Variants in KCNK4 observed in about 807,000 individuals in gnomAD.
The protein encoded by KCNK4 is potassium channel subfamily K member 4.
A neutral mutation model predicts 28.8 loss-of-function variants in KCNK4; 22 were observed. That is an observed-to-expected ratio of 0.76 (90% CI 0.55 to 1.09). KCNK4 has a LOEUF of 1.09. KCNK4 is among the 50% of genes least tolerant of loss of function. The pLI, the probability that KCNK4 is intolerant of heterozygous loss-of-function variation, is 0.00. For synonymous variants in KCNK4, 263 were observed against 252.9 expected (o/e 1.04, Z -0.38); for missense variants, 483 against 546.3 (o/e 0.88, Z 1.15).
rs1344470147 is a variant in KCNK4 at position 64,299,540 on chromosome 11, C to G, written c.996C>G (p.Pro332=). 6.2e-7 allele frequency: 1 copy of G among 1,610,114 alleles called. No homozygotes were observed. Among genetic ancestry groups the G allele is most frequent in the South Asian group, 1.1e-5 (1 of 90,870 alleles). The part of the protein sequence containing the change: ...PPEKAQPPSP[P]TASALDYPSE... ...AGAAGGCTCAGCCGCCTTCCCCGCC[C>G]ACGGCCTCGGCCCTGGATTATCCCA... The change falls in exon 7 of 7, where the codon CCC becomes CCG. Residue 332 remains proline, a synonymous_variant. Transcript: ENST00000422670.
chr11:64,297,115 C>T lies in KCNK4; in HGVS notation c.314-4C>T, dbSNP rs774176249. On this transcript the variant is annotated splice_region_variant and splice_polypyrimidine_tract_variant and intron_variant, in intron 3 of 6. Transcript: ENST00000422670. ...TAGACTTCCTGCATCGCCCCTCTGC[C>T]CAGGCTATGGCAATGTGGCCCTGCG... The T allele has an allele frequency of 6.2e-7, 1 of 1,614,152 alleles. No individual in the cohort carries two copies. Among genetic ancestry groups the T allele is most frequent in the Non-Finnish European group, 8.5e-7 (1 of 1,180,032 alleles).
intron 5 of KCNK4, 148 bp from the exon 6 acceptor site, chr11:64,297,962 T>C (rs1278384493): frequency 1.0e-6 from 1 of 971,454 alleles, no homozygotes; most frequent in African/African-American, 1.6e-5. Flanking sequence ...ACCACTCATT[T>C]TCCTGCCTGC....
chr11:64,297,484 G>T lies in KCNK4; in HGVS notation c.492G>T (p.Pro164=), dbSNP rs2232415. The change falls in exon 5 of 7, where the codon CCG becomes CCT. Residue 164 remains proline (P), a synonymous_variant. Transcript: ENST00000422670. ...EAIFLKWHVP[P]ELVRVLSAML... ...TCCCGCAGAAGTGGCACGTGCCACCGGAGCTAGTAAGAGTGCTGTCGGCGA... is the reference window on the plus strand; with the variant it reads ...TCCCGCAGAAGTGGCACGTGCCACCTGAGCTAGTAAGAGTGCTGTCGGCGA... The T allele has an allele frequency of 2.5e-6, 4 of 1,613,996 alleles. No individual in the cohort carries two copies. The African/African-American group carries it at 5.3e-5, about 22-fold the overall frequency.
intron 6 of KCNK4, 47 bp from the exon 7 acceptor site, chr11:64,299,290 GGGTCGCGGA>G: frequency 7.1e-7 from 1 of 1,408,154 alleles, no homozygotes; most frequent in African/African-American, 1.5e-5. Flanking sequence ...GGTTCCCGGG[GGGTCGCGGA>G]GGGGGTCTAG....
At chr11:64,298,846 G>T (rs2034844725) in intron 6 of KCNK4, among the ~76,000 whole-genome samples, 1 of 151,802 alleles carries the variant, frequency 6.6e-6, no homozygotes. Flanking sequence ...TTCGAGACCA[G>T]CCTGGCCAAC....
Position 64,299,425 on chromosome 11 carries a change from C to G in KCNK4, c.881C>G (p.Ala294Gly). Residue 294 changes from alanine (A) to glycine (G), a missense_variant, in exon 7 of 7, where the codon GCC becomes GGC. Ala to Gly is a moderately conservative substitution (Grantham distance 60). Coordinates refer to ENST00000422670, the MANE Select transcript of KCNK4 (RefSeq NM_033310.3). ...ARVTQRAGPA[A>G]PPPEKEQPLL... The stretch of plus-strand genomic sequence containing the variant: ...GTGACCCAGCGAGCCGGGCCCGCCG[C>G]CCCGCCGCCGGAGAAGGAGCAGCCA... 2 of 1,583,958 alleles carry G rather than the reference C, an allele frequency of 1.3e-6. No individual in the cohort carries two copies. The highest frequency in any genetic ancestry group is 2.3e-5 in the South Asian group (2 of 88,622).
chr11:64,292,775 G>A (rs984928318), intron 1 of KCNK4, 167 bp from the exon 2 acceptor site: 1 of 655,866 alleles, frequency 1.5e-6, no homozygotes, highest in Non-Finnish European at 2.2e-6. Context: ...GCGGAGGTAA[G>A]GGGAAGGCTG....
Position 64,291,917 on chromosome 11 carries a change from C to T in KCNK4, c.-78+351C>T, listed in dbSNP as rs552238437. ...GGAGTGGTGTGGCCGCCGGTCCCGC[C>T]GCCCGCCACGCTCCGAGGCGTCGCT... On this transcript the variant is annotated intron_variant, in intron 1 of 6. Transcript: ENST00000422670. The T allele has an allele frequency of 2.9e-3, 1,881 of 644,374 alleles. 6 individuals carry two copies. Among genetic ancestry groups the T allele is most frequent in the Non-Finnish European group, 3.5e-3 (1,723 of 490,602 alleles). The allele number at this position is 644,374 out of a possible 1,614,324, so 39.9% of individuals were successfully genotyped here.
intron 2 of KCNK4, chr11:64,296,057 T>C (rs914033614): frequency 6.6e-6 from 1 of 152,178 alleles, no homozygotes; most frequent in African/African-American, 2.4e-5. Flanking sequence ...AATACAGTAG[T>C]GTTTACAACT....
At position 64,296,888 on chromosome 11, in the gene KCNK4, A is replaced by G. The variant is rs2034777802; in HGVS notation, c.200A>G (p.Asp67Gly). ...ELGLLIKEVA[D>G]ALGGGADPET... ...CACCTTGTCCTGCAGGAGGTGGCTGATGCCCTGGGAGGGGGTGCGGACCCA... is the reference window on the plus strand; with the variant it reads ...CACCTTGTCCTGCAGGAGGTGGCTGGTGCCCTGGGAGGGGGTGCGGACCCA... The change falls in exon 3 of 7, where the codon GAT becomes GGT. Residue 67 changes from aspartate (D) to glycine (G), a missense_variant. Coordinates refer to ENST00000422670, the MANE Select transcript of KCNK4 (RefSeq NM_033310.3). The G allele has an allele frequency of 2.6e-6, 4 of 1,510,002 alleles. No individual in the cohort carries two copies. Among genetic ancestry groups the G allele is most frequent in the Non-Finnish European group, 3.5e-6 (4 of 1,130,886 alleles). 93.5% of individuals were successfully genotyped at this position (1,510,002 alleles called of 1,614,324 possible).
intron 1 of KCNK4, chr11:64,292,076 G>A: frequency 9.0e-7 from 1 of 1,107,302 alleles, no homozygotes; most frequent in Middle Eastern, 3.5e-4. Flanking sequence ...GCACGCCCAT[G>A]GGGGCCGGGG....
intron 5 of KCNK4, 144 bp from the exon 6 acceptor site, chr11:64,297,965 CT>C: frequency 1.0e-6 from 1 of 983,746 alleles, no homozygotes; most frequent in South Asian, 1.7e-5. Context: ...ACTCATTTTC[CT>C]GCCTGCACTC....
In KCNK4 at chr11:64,292,811, C is replaced by A. The variant is rs2232411; in HGVS notation, c.-77-131C>A. ...GAGATAGGAGGGGGACTGGGTGTGT[C>A]CAGCCAGAGGGATGTCTGTGGACAG... On this transcript the variant is annotated intron_variant, in intron 1 of 6. Transcript: ENST00000422670. The A allele has an allele frequency of 1.1e-3, 1,149 of 1,020,982 alleles. 11 individuals carry two copies. The East Asian group carries it at 0.028, about 25-fold the overall frequency. 63.2% of individuals were successfully genotyped at this position (1,020,982 alleles called of 1,614,324 possible).
chr11:64,299,868 G>A lies in KCNK4; in HGVS notation c.*142G>A. On this transcript the variant is annotated 3_prime_UTR_variant, in exon 7 of 7. Coordinates refer to ENST00000422670, the MANE Select transcript of KCNK4 (RefSeq NM_033310.3). ...CAGTTGCCTCTCCGCCTCCTCCCTG[G>A]CCCCGGCCCTTCCCTCACTTCCATC... The A allele has an allele frequency of 6.7e-7, 1 of 1,486,294 alleles. No individual in the cohort carries two copies. Among genetic ancestry groups the A allele is most frequent in the Non-Finnish European group, 9.1e-7 (1 of 1,104,284 alleles). The allele number at this position is 1,486,294 out of a possible 1,614,324, so 92.1% of individuals were successfully genotyped here. A position where few individuals can be genotyped will look rare whatever the true frequency, so the allele number is the denominator to read the frequency against.
intron 1 of KCNK4, chr11:64,292,637 G>A (rs1162890841): frequency 1.2e-5 from 2 of 167,134 alleles, no homozygotes; most frequent in African/African-American, 2.4e-5. Context: ...ACATTTCCTC[G>A]CTCGCCCCGC....
chr11:64,296,323 T>C (rs969550300), intron 2 of KCNK4, among the ~76,000 whole-genome samples: 1 of 152,114 alleles, frequency 6.6e-6, no homozygotes, highest in African/African-American at 2.4e-5. Flanking sequence ...CCTAGCTTTC[T>C]TGAGATTTTC....
chr11:64,294,574 G>C (rs2135228117), intron 2 of KCNK4, among the ~76,000 whole-genome samples: 1 of 151,042 alleles, frequency 6.6e-6, no homozygotes, highest in Admixed American at 6.6e-5. Flanking sequence ...ATACAGTCAG[G>C]CAGGCACGTC....
At chr11:64,297,300 C>T (rs533975634) in intron 4 of KCNK4, 21 bp downstream of exon 4, 2 of 1,601,634 alleles carry the variant, frequency 1.2e-6, no homozygotes, top group Admixed American at 1.7e-5. Flanking sequence ...CCATGCCCTG[C>T]CTGCCCTTGT....
Position 64,299,862 on chromosome 11 carries a change from T to TC in KCNK4, c.*139dup. ...AGGCTACAGTTGCCTCTCCGCCTCC[T>TC]CCCTGGCCCCGGCCCTTCCCTCACT... On this transcript the variant is annotated 3_prime_UTR_variant, in exon 7 of 7. Coordinates refer to ENST00000422670, the MANE Select transcript of KCNK4 (RefSeq NM_033310.3). 1 of 1,500,726 alleles carries TC rather than the reference T, an allele frequency of 6.7e-7. No individual in the cohort carries two copies. Among genetic ancestry groups the TC allele is most frequent in the Non-Finnish European group, 9.0e-7 (1 of 1,116,812 alleles). The allele number at this position is 1,500,726 out of a possible 1,614,324, so 93.0% of individuals were successfully genotyped here.
Sources: gnomAD v4.1 joint callset for allele counts (sites outside exome capture counted in the v4.1 genomes callset) on GRCh38, gnomAD v4.1.1 for gene constraint, MANE v1.5 for transcripts, NCBI Gene and HGNC (gene_info 2026-07-23, HGNC 2026-07-21) for gene names.